Variants in ARMC9 observed in about 807,000 individuals in gnomAD.
The protein encoded by ARMC9 is lisH domain-containing protein ARMC9.
A neutral mutation model predicts 107.0 loss-of-function variants in ARMC9; 94 were observed. The ratio of observed to expected loss-of-function variants is 0.88; its 90% confidence interval spans 0.74 to 1.04. ARMC9 has a LOEUF of 1.04. Among genes scored for constraint, ARMC9 ranks in the 50% least tolerant of loss-of-function variants. The pLI, the probability that ARMC9 is intolerant of heterozygous loss-of-function variation, is 0.00. For missense variants in ARMC9, 942 were observed against 1,030.1 expected, an observed-to-expected ratio of 0.91 and a Z score of 1.17; for synonymous variants, 380 against 396.9, an observed-to-expected ratio of 0.96 and a Z score of 0.51.
At chr2:231,323,906 A>G (rs898428245) in intron 19 of ARMC9, among the ~76,000 whole-genome samples, 2 of 152,152 alleles carry the variant, frequency 1.3e-5, no homozygotes, top group African/African-American at 4.8e-5. Flanking sequence ...GTTGCACTAG[A>G]GAAACTGAGG....
intron 8 of ARMC9, among the ~76,000 whole-genome samples, chr2:231,235,679 G>A (rs557554580): frequency 1.3e-5 from 2 of 152,132 alleles, no homozygotes; most frequent in African/African-American, 4.8e-5. Context: ...TTTTGCTCTT[G>A]TTGCCCAGGT....
At chr2:231,296,287 C>T in intron 19 of ARMC9, 34 bp downstream of exon 19, 1 of 1,558,190 alleles carries the variant, frequency 6.4e-7, no homozygotes, top group South Asian at 1.1e-5. Context: ...ACATAGAAAA[C>T]CCATACCAAA....
chr2:231,332,678 G>A (rs1183946841), intron 20 of ARMC9, among the ~76,000 whole-genome samples: 1 of 152,160 alleles, frequency 6.6e-6, no homozygotes, highest in Non-Finnish European at 1.5e-5. Context: ...CAGTGCCAGG[G>A]CCCGCAGATA....
intron 3 of ARMC9, among the ~76,000 whole-genome samples, chr2:231,209,485 A>G (rs1157347822): frequency 6.6e-6 from 1 of 152,200 alleles, no homozygotes; most frequent in Non-Finnish European, 1.5e-5. Flanking sequence ...TCCATTGACT[A>G]GAGACTGTAC....
intron 13 of ARMC9, 29 bp from the exon 14 acceptor site, chr2:231,272,926 C>A: frequency 1.9e-6 from 3 of 1,602,604 alleles, no homozygotes; most frequent in Admixed American, 3.5e-5. Flanking sequence ...TTCTGTCTTT[C>A]ACCTGTTTCA....
rs142507945 is a variant in ARMC9 at position 231,355,032 on chromosome 2, T to C, written c.1995-766T>C. 2.3e-3 allele frequency among the ~76,000 whole-genome samples: 353 copies of C among 152,272 alleles called. 3 individuals carry two copies. The highest frequency in any genetic ancestry group is 8.1e-3 in the African/African-American group (338 of 41,558). On this transcript the variant is annotated intron_variant, in intron 21 of 24. Coordinates refer to ENST00000611582, the MANE Select transcript of ARMC9 (RefSeq NM_001352754.2). ...AGCTGTTCTGCACACATCCTTTAGG[T>C]AGTGTTACAAGAAAGTAAGTTCTAG... is the stretch of plus-strand genomic sequence containing the variant.
At chr2:231,208,845 G>T (rs950367994) in intron 3 of ARMC9, among the ~76,000 whole-genome samples, 2 of 152,146 alleles carry the variant, frequency 1.3e-5, no homozygotes, top group African/African-American at 4.8e-5. Flanking sequence ...GAGGCAGGAG[G>T]ACCGCATAAA....
chr2:231,220,435 A>T (rs1166881910), intron 5 of ARMC9, among the ~76,000 whole-genome samples: 5 of 151,874 alleles, frequency 3.3e-5, no homozygotes, highest in Non-Finnish European at 7.4e-5. Context: ...TGTCTCTACT[A>T]AAAATACAAA....
intron 20 of ARMC9, among the ~76,000 whole-genome samples, chr2:231,341,575 C>T (rs1022083609): frequency 1.5e-4 from 22 of 148,750 alleles, no homozygotes; most frequent in Non-Finnish European, 2.2e-4. Context: ...ACAGTGTCTG[C>T]CTCCCCTTTC....
chr2:231,314,296 C>T (rs924582372), intron 19 of ARMC9, among the ~76,000 whole-genome samples: 3 of 151,880 alleles, frequency 2.0e-5, no homozygotes, highest in African/African-American at 7.3e-5. Context: ...TCAGGCTGGT[C>T]TCGAACTCCC....
chr2:231,254,041 C>A (rs1015356206), intron 9 of ARMC9, among the ~76,000 whole-genome samples: 4 of 152,046 alleles, frequency 2.6e-5, no homozygotes, highest in African/African-American at 9.7e-5. Flanking sequence ...CTGGGTGGGA[C>A]TTACATGACG....
At chr2:231,369,481 C>CG (rs977941997) in intron 23 of ARMC9, among the ~76,000 whole-genome samples, 33 of 151,866 alleles carry the variant, frequency 2.2e-4, no homozygotes, top group Middle Eastern at 3.4e-3. Flanking sequence ...TTAGTAGAGA[C>CG]GGGGGTCTCA....
chr2:231,330,992 A>G (rs1045345268), intron 19 of ARMC9, among the ~76,000 whole-genome samples: 1 of 152,172 alleles, frequency 6.6e-6, no homozygotes, highest in African/African-American at 2.4e-5. Flanking sequence ...AAATACAAAA[A>G]GTAGCCGGAT....
intron 9 of ARMC9, among the ~76,000 whole-genome samples, chr2:231,244,319 A>G (rs1383714442): frequency 6.6e-6 from 1 of 151,956 alleles, no homozygotes; most frequent in Non-Finnish European, 1.5e-5. Flanking sequence ...GGAGCTGAAA[A>G]TATCACTGTT....
chr2:231,306,055 A>G (rs1259008228), intron 19 of ARMC9, among the ~76,000 whole-genome samples: 2 of 152,246 alleles, frequency 1.3e-5, no homozygotes, highest in Admixed American at 1.3e-4. Flanking sequence ...CATAAGTTAC[A>G]ATAAGGTAAA....
intron 21 of ARMC9, among the ~76,000 whole-genome samples, chr2:231,348,552 A>G (rs2044903667): frequency 6.6e-6 from 1 of 152,246 alleles, no homozygotes; most frequent in Non-Finnish European, 1.5e-5. Flanking sequence ...ATACCTGACA[A>G]GCACAGGCAA....
chr2:231,285,215 TA>T (rs1169099703), intron 17 of ARMC9, among the ~76,000 whole-genome samples: 4 of 151,708 alleles, frequency 2.6e-5, no homozygotes, highest in African/African-American at 7.3e-5. Flanking sequence ...AAAAAAAAAT[TA>T]TAGCGGTCTT....
At chr2:231,216,581 G>A (rs573236290) in intron 4 of ARMC9, 57 bp from the exon 5 acceptor site, 2 of 1,561,488 alleles carry the variant, frequency 1.3e-6, no homozygotes, top group African/African-American at 2.7e-5. Flanking sequence ...GATGGGGTGA[G>A]CAGATAGACT....
chr2:231,228,381 G>A (rs546754648), intron 7 of ARMC9, among the ~76,000 whole-genome samples: 17 of 152,308 alleles, frequency 1.1e-4, no homozygotes, highest in Non-Finnish European at 1.9e-4. Flanking sequence ...GCGGCCTGGG[G>A]CCAACTCCAA....
Sources: gnomAD v4.1 joint callset for allele counts (sites outside exome capture counted in the v4.1 genomes callset) on GRCh38, gnomAD v4.1.1 for gene constraint, MANE v1.5 for transcripts, NCBI Gene and HGNC (gene_info 2026-07-23, HGNC 2026-07-21) for gene names.